ALK: variants seen among roughly 807,000 people sequenced by gnomAD.
ALK encodes ALK receptor tyrosine kinase, also known as ALK tyrosine kinase receptor.
Under a neutral mutation model 163.1 loss-of-function variants are expected in ALK, and 74 were observed. The ratio of observed to expected loss-of-function variants is 0.45; its 90% CI spans 0.38 to 0.55. The LOEUF is 0.55. Ranked by LOEUF, ALK falls within the 20% of genes least tolerant of loss-of-function variation. The probability of loss-of-function intolerance (pLI) is 0.00; values close to 1 mark genes in which losing one functional copy is unlikely to be tolerated. For missense variants in ALK, 2,063 were observed against 2,105.3 expected, an observed-to-expected ratio of 0.98 and a Z score of 0.39; for synonymous variants, 960 against 843.2, an observed-to-expected ratio of 1.14 and a Z score of -2.40.
intron 8 of ALK, among the ~76,000 whole-genome samples, chr2:29,309,327 A>C (rs1346387145): frequency 6.6e-6 from 1 of 152,166 alleles, no homozygotes; most frequent in African/African-American, 2.4e-5. Flanking sequence ...GTCTGTGATT[A>C]ACATACAGCT....
chr2:29,894,186 C>A (rs1000364258), intron 1 of ALK, among the ~76,000 whole-genome samples: 1 of 152,154 alleles, frequency 6.6e-6, no homozygotes, highest in African/African-American at 2.4e-5. Context: ...ACTCTGAGGG[C>A]AGGGGCCATG....
At chr2:29,454,703 C>A (rs200906683) in intron 4 of ALK, among the ~76,000 whole-genome samples, 1 of 151,692 alleles carries the variant, frequency 6.6e-6, no homozygotes, top group Non-Finnish European at 1.5e-5. Context: ...AACAAAAAAC[C>A]AAAAACCTTA....
intron 15 of ALK, among the ~76,000 whole-genome samples, chr2:29,229,482 C>T (rs1032036779): frequency 6.6e-6 from 1 of 152,136 alleles, no homozygotes; most frequent in African/African-American, 2.4e-5. Flanking sequence ...CCCGTCCTAA[C>T]GAGAAAAGGG....
chr2:29,699,723 T>C (rs1176117197), intron 2 of ALK, among the ~76,000 whole-genome samples: 1 of 152,210 alleles, frequency 6.6e-6, no homozygotes, highest in Non-Finnish European at 1.5e-5. Context: ...CCCAAGAGAA[T>C]CTGACCATTG....
intron 3 of ALK, among the ~76,000 whole-genome samples, chr2:29,583,005 G>A (rs942715578): frequency 3.3e-5 from 5 of 151,326 alleles, no homozygotes; most frequent in Non-Finnish European, 7.4e-5. Context: ...TGGGACTACA[G>A]GCATGTGCCA....
intron 3 of ALK, among the ~76,000 whole-genome samples, chr2:29,671,038 T>A (rs1337537736): frequency 6.6e-6 from 1 of 152,054 alleles, no homozygotes; most frequent in East Asian, 1.9e-4. Context: ...TAGGTCATGG[T>A]TCCCTGTTAG....
At chr2:29,449,360 G>C (rs1471904992) in intron 4 of ALK, among the ~76,000 whole-genome samples, 1 of 152,188 alleles carries the variant, frequency 6.6e-6, no homozygotes, top group Non-Finnish European at 1.5e-5. Flanking sequence ...GTAAGTGAGT[G>C]GAAGCAGAGA....
At chr2:29,356,232 C>T (rs1668242646) in intron 5 of ALK, among the ~76,000 whole-genome samples, 1 of 152,160 alleles carries the variant, frequency 6.6e-6, no homozygotes, top group Non-Finnish European at 1.5e-5. Context: ...TGTATGCTGA[C>T]ATTTTGCAAG....
chr2:29,901,530 T>C (rs760959534), intron 1 of ALK, among the ~76,000 whole-genome samples: 28 of 152,210 alleles, frequency 1.8e-4, no homozygotes, highest in Non-Finnish European at 3.4e-4. Flanking sequence ...GAGTCCCAGC[T>C]TCAAGCCCAC....
At chr2:29,449,176 G>A (rs527615978) in intron 4 of ALK, among the ~76,000 whole-genome samples, 35 of 152,258 alleles carry the variant, frequency 2.3e-4, no homozygotes, top group South Asian at 1.0e-3. Context: ...CAGCTACTAA[G>A]TGCCAGAAAC....
intron 3 of ALK, among the ~76,000 whole-genome samples, chr2:29,573,173 G>A (rs1394547954): frequency 6.6e-6 from 1 of 152,172 alleles, no homozygotes; most frequent in African/African-American, 2.4e-5. Flanking sequence ...TGAGAACTGG[G>A]CTGGATCTGA....
At chr2:29,728,414 C>T (rs537702968) in intron 1 of ALK, among the ~76,000 whole-genome samples, 68 of 152,342 alleles carry the variant, frequency 4.5e-4, no homozygotes, top group African/African-American at 1.6e-3. Flanking sequence ...GGGCTGCATT[C>T]GTGAGCAGAA....
chr2:29,537,156 C>T (rs1488756635), intron 3 of ALK, among the ~76,000 whole-genome samples: 3 of 152,210 alleles, frequency 2.0e-5, no homozygotes, highest in Admixed American at 6.5e-5. Context: ...TGGAGCAACT[C>T]GCTAAGCGAA....
intron 1 of ALK, among the ~76,000 whole-genome samples, chr2:29,838,741 A>G (rs1258598551): frequency 1.3e-5 from 2 of 152,178 alleles, no homozygotes; most frequent in African/African-American, 4.8e-5. Context: ...TGAAAAATGA[A>G]TAACAGTGTT....
chr2:29,741,495 T>C (rs1680056678), intron 1 of ALK, among the ~76,000 whole-genome samples: 1 of 152,208 alleles, frequency 6.6e-6, no homozygotes, highest in African/African-American at 2.4e-5. Flanking sequence ...ATAACGTGTG[T>C]TAAAATAAAA....
chr2:29,472,028 C>T (rs1444457533), intron 4 of ALK, among the ~76,000 whole-genome samples: 1 of 152,222 alleles, frequency 6.6e-6, no homozygotes, highest in Non-Finnish European at 1.5e-5. Context: ...CAGGCGTGAG[C>T]CACTGCACCC....
intron 3 of ALK, among the ~76,000 whole-genome samples, chr2:29,596,130 C>G (rs915306232): frequency 1.3e-5 from 2 of 152,212 alleles, no homozygotes. Context: ...TTCAATTGCA[C>G]ACGTTTGTGA....
intron 26 of ALK, among the ~76,000 whole-genome samples, chr2:29,201,947 A>AT (rs532564561): frequency 9.9e-5 from 15 of 151,838 alleles, no homozygotes; most frequent in African/African-American, 2.7e-4. Context: ...TGGCAGAGAG[A>AT]TTTTTTTTAT....
At chr2:29,887,278 T>A (rs1461572978) in intron 1 of ALK, among the ~76,000 whole-genome samples, 1 of 152,236 alleles carries the variant, frequency 6.6e-6, no homozygotes, top group Non-Finnish European at 1.5e-5. Context: ...GCTTCATTCA[T>A]ATGCCTGACA....
Sources: gnomAD v4.1 joint callset for allele counts (sites outside exome capture counted in the v4.1 genomes callset) on GRCh38, gnomAD v4.1.1 for gene constraint, MANE v1.5 for transcripts, NCBI Gene and HGNC (gene_info 2026-07-23, HGNC 2026-07-21) for gene names.